LIMK1: variants seen among roughly 807,000 people sequenced by gnomAD.
The protein encoded by LIMK1 is LIM domain kinase 1, also known as LIM motif-containing protein kinase.
In LIMK1, 21 loss-of-function variants were observed where a neutral mutation model predicts 77.6. The ratio of observed to expected loss-of-function variants is 0.27; its 90% CI spans 0.19 to 0.39. The LOEUF (loss-of-function observed/expected upper bound fraction) is 0.39. LIMK1 is among the 10% of genes least tolerant of loss of function. The probability of loss-of-function intolerance (pLI) is 1.00; values close to 1 mark genes in which losing one functional copy is unlikely to be tolerated. For synonymous variants in LIMK1, 358 were observed against 370.0 expected (o/e 0.97, Z 0.37); for missense variants, 696 against 901.6 (o/e 0.77, Z 2.92).
intron 2 of LIMK1, chr7:74,093,240 G>A: frequency 6.5e-7 from 1 of 1,535,930 alleles, no homozygotes; most frequent in Non-Finnish European, 8.7e-7. Context: ...CCCCAGTGTA[G>A]CCACAGAGGA....
chr7:74,116,313 C>A (rs576440693), intron 13 of LIMK1, among the ~76,000 whole-genome samples: 4 of 152,018 alleles, frequency 2.6e-5, no homozygotes, highest in Non-Finnish European at 5.9e-5. Flanking sequence ...ACTAGGGAAG[C>A]TGAGGCAGGA....
intron 13 of LIMK1, among the ~76,000 whole-genome samples, chr7:74,116,673 G>A (rs563112891): frequency 6.0e-5 from 9 of 150,082 alleles, no homozygotes; most frequent in East Asian, 2.0e-4. Context: ...ATCCATCCCC[G>A]CATCTCTTTC....
chr7:74,097,039 G>A (rs782255903), intron 3 of LIMK1, 41 bp from the exon 4 acceptor site: 2 of 1,483,304 alleles, frequency 1.3e-6, no homozygotes, highest in East Asian at 4.5e-5. Flanking sequence ...GGGTTGTTGG[G>A]TCTGCTGAGC....
intron 13 of LIMK1, among the ~76,000 whole-genome samples, chr7:74,119,102 C>T (rs1799880257): frequency 6.6e-6 from 1 of 151,262 alleles, no homozygotes; most frequent in Non-Finnish European, 1.5e-5. Flanking sequence ...TCACCATGAT[C>T]TCGATCTCCT....
chr7:74,100,658 C>T (rs1799439055), intron 5 of LIMK1, among the ~76,000 whole-genome samples: 1 of 151,974 alleles, frequency 6.6e-6, no homozygotes, highest in Non-Finnish European at 1.5e-5. Context: ...CTCAAGTGAT[C>T]CTCCCTTCTC....
intron 3 of LIMK1, 137 bp downstream of exon 3, chr7:74,096,897 G>A (rs781917861): frequency 1.6e-6 from 2 of 1,226,392 alleles, no homozygotes; most frequent in South Asian, 1.5e-5. Flanking sequence ...GAGCCTGACT[G>A]TCTGTCTGTA....
chr7:74,121,080 C>G lies in LIMK1; in HGVS notation c.1781+31C>G, dbSNP rs2066778. ...TGGGGTGGGGCCCTGGCCTGGGAGA[C>G]GGTGGGGCCGATTCCCGGGACAGCC... On this transcript the variant is annotated intron_variant, in intron 15 of 15. Transcript: ENST00000336180. 2,557 of 1,595,442 alleles carry G rather than the reference C, an allele frequency of 1.6e-3. 37 individuals are homozygous for G. The African/African-American group carries it at 0.029, about 18-fold the overall frequency.
intron 2 of LIMK1, 87 bp from the exon 3 acceptor site, chr7:74,096,535 T>C: frequency 1.3e-6 from 2 of 1,550,536 alleles, no homozygotes; most frequent in Non-Finnish European, 1.8e-6. Flanking sequence ...TTCTAATTCT[T>C]ACAAAGGTGC....
chr7:74,120,688 A>T, intron 14 of LIMK1, 50 bp downstream of exon 14: 1 of 1,600,484 alleles, frequency 6.2e-7, no homozygotes, highest in African/African-American at 1.3e-5. Flanking sequence ...GCTCCTCCCC[A>T]CTCACCCAGG....
intron 2 of LIMK1, among the ~76,000 whole-genome samples, chr7:74,094,709 C>T (rs889232234): frequency 6.6e-6 from 1 of 152,116 alleles, no homozygotes; most frequent in Non-Finnish European, 1.5e-5. Context: ...TGTAGACCAC[C>T]CCCCTCACCA....
intron 8 of LIMK1, 67 bp downstream of exon 8, chr7:74,107,260 G>A: frequency 2.0e-6 from 3 of 1,488,484 alleles, no homozygotes; most frequent in Non-Finnish European, 1.8e-6. Context: ...TTCCTTCCCA[G>A]TCTATGGAAA....
chr7:74,096,529 A>G (rs1799339096), intron 2 of LIMK1, 93 bp from the exon 3 acceptor site: 3 of 1,523,252 alleles, frequency 2.0e-6, no homozygotes, highest in Non-Finnish European at 2.7e-6. Context: ...AACTTGTTCT[A>G]ATTCTTACAA....
At chr7:74,116,544 CG>C (rs1322666371) in intron 13 of LIMK1, among the ~76,000 whole-genome samples, 1 of 152,086 alleles carries the variant, frequency 6.6e-6, no homozygotes, top group Non-Finnish European at 1.5e-5. Flanking sequence ...CTGCAGGCTC[CG>C]GGGCACCTGT....
rs1554697366 is a variant in LIMK1, at chr7:74,105,891, A to G, written c.625A>G (p.Met209Val). ...VRVQGVDPGC[M>V]SPDVKNSIHV... ...TACCCACAGAGTGGATCCGGGCTGC[A>G]TGAGCCCAGATGTGAAGAATTCCAT... Residue 209 changes from methionine (M) to valine (V), a missense_variant, in exon 6 of 16, where the codon ATG becomes GTG. By Grantham distance (21) the Met-to-Val change is conservative. This residue lies in a region of LIMK1 where 252 missense variants were observed against 279.4 expected (regional missense o/e 0.90). Transcript: ENST00000336180. 2 of 1,613,512 alleles carry G rather than the reference A, an allele frequency of 1.2e-6. No homozygotes were observed. Among genetic ancestry groups the G allele is most frequent in the Non-Finnish European group, 1.7e-6 (2 of 1,179,806 alleles).
chr7:74,096,982 GT>G, intron 3 of LIMK1, 97 bp from the exon 4 acceptor site: 12 of 1,120,380 alleles, frequency 1.1e-5, no homozygotes, highest in African/African-American at 1.6e-5. Flanking sequence ...CCCTGCAGTT[GT>G]TTTTTTGGTG....
chr7:74,120,650 G>A lies in LIMK1; in HGVS notation c.1623+12G>A, dbSNP rs199871804. 5.5e-5 allele frequency: 89 copies of A among 1,614,138 alleles called. 1 individual carries two copies. The Middle Eastern group carries it at 1.8e-3, about 33-fold the overall frequency. ...TCGTCCTGTGCGAGGTAGGTCCAGGGTTGGGTAGCAGCGGTGTTGAGGCCT... is the reference window on the plus strand; with the variant it reads ...TCGTCCTGTGCGAGGTAGGTCCAGGATTGGGTAGCAGCGGTGTTGAGGCCT... On this transcript the variant is annotated intron_variant, in intron 14 of 15. Coordinates refer to ENST00000336180, the MANE Select transcript of LIMK1 (RefSeq NM_002314.4).
At chr7:74,115,623 C>G (rs1477613187) in intron 12 of LIMK1, 179 bp from the exon 13 acceptor site, 1 of 606,914 alleles carries the variant, frequency 1.6e-6, no homozygotes, top group Non-Finnish European at 2.9e-6. Context: ...TCCCGCAGCT[C>G]CATTTGCAAA....
chr7:74,117,171 G>A (rs781928797), intron 13 of LIMK1, among the ~76,000 whole-genome samples: 2 of 151,956 alleles, frequency 1.3e-5, no homozygotes, highest in African/African-American at 2.4e-5. Flanking sequence ...GTGAGCCACC[G>A]CGCCTGGCCA....
At chr7:74,109,360 A>C in intron 10 of LIMK1, 13 of 285,676 alleles carry the variant, frequency 4.6e-5, no homozygotes, top group East Asian at 8.2e-5. Flanking sequence ...ACCCTGTCTC[A>C]AAAACTAAAA....
Sources: gnomAD v4.1 joint callset for allele counts (sites outside exome capture counted in the v4.1 genomes callset) on GRCh38, gnomAD v4.1.1 for gene constraint, gnomAD v4.1.1 regional missense constraint, MANE v1.5 for transcripts, NCBI Gene and HGNC (gene_info 2026-07-23, HGNC 2026-07-21) for gene names.